Variants in GRIN3A observed in about 807,000 individuals in gnomAD.
GRIN3A encodes the protein glutamate receptor ionotropic, NMDA 3A.
GRIN3A carries 47 observed loss-of-function variants against 92.4 expected under a neutral mutation model. The ratio of observed to expected loss-of-function variants is 0.51; its 90% CI spans 0.40 to 0.65. The LOEUF (loss-of-function observed/expected upper bound fraction) is 0.65, where lower values mean the gene tolerates loss of function less well. GRIN3A is among the 30% of genes least tolerant of loss of function. GRIN3A has a pLI of 0.00. For synonymous variants in GRIN3A, 527 were observed against 540.6 expected, an observed-to-expected ratio of 0.97 and a Z score of 0.35; for missense variants, 1,324 against 1,393.1, an observed-to-expected ratio of 0.95 and a Z score of 0.79.
intron 2 of GRIN3A, among the ~76,000 whole-genome samples, chr9:101,676,558 T>A (rs1306557997): frequency 6.6e-6 from 1 of 151,500 alleles, no homozygotes; most frequent in African/African-American, 2.4e-5. Context: ...CTCTATCAAT[T>A]TTTTTTTTCT....
chr9:101,698,077 A>T (rs1829705318), intron 1 of GRIN3A, among the ~76,000 whole-genome samples: 1 of 152,222 alleles, frequency 6.6e-6, no homozygotes, highest in African/African-American at 2.4e-5. Flanking sequence ...CACTGTGACA[A>T]ACATACAATC....
At chr9:101,627,676 T>C (rs1234380213) in intron 4 of GRIN3A, among the ~76,000 whole-genome samples, 5 of 152,232 alleles carry the variant, frequency 3.3e-5, no homozygotes, top group African/African-American at 9.6e-5. Flanking sequence ...TTCAACTTCA[T>C]TGAATTACAG....
intron 1 of GRIN3A, among the ~76,000 whole-genome samples, chr9:101,736,093 T>C (rs1001135741): frequency 2.0e-5 from 3 of 152,218 alleles, no homozygotes; most frequent in African/African-American, 4.8e-5. Context: ...GGCACATATA[T>C]CAGAAGTGGA....
intron 6 of GRIN3A, chr9:101,592,619 A>G (rs1272337360): frequency 2.0e-5 from 3 of 152,184 alleles, no homozygotes; most frequent in African/African-American, 7.2e-5. Flanking sequence ...CGTTTATCAC[A>G]GTTTTTAGGG....
intron 8 of GRIN3A, among the ~76,000 whole-genome samples, chr9:101,575,515 GAAATCACATGTTGAAT>G (rs1827814380): frequency 6.6e-6 from 1 of 152,076 alleles, no homozygotes; most frequent in African/African-American, 2.4e-5. Flanking sequence ...AACCTTATGT[GAAATCACATGTTGAAT>G]AAACCCAGGG....
In GRIN3A at chr9:101,570,786, C is replaced by G. The variant is rs59775931; in HGVS notation, c.*2388G>C. On this transcript the variant is annotated 3_prime_UTR_variant, in exon 9 of 9. Transcript: ENST00000361820. ...TCCGATATACAAAAATGCAGACTTA[C>G]AAAACAGATACATTAAGGGATAATT... 1 of 152,576 alleles carries G rather than the reference C, an allele frequency of 6.6e-6. No homozygotes were observed. Among genetic ancestry groups the G allele is most frequent in the Non-Finnish European group, 1.5e-5 (1 of 68,032 alleles). The allele number at this position is 152,576 out of a possible 1,614,324, so 9.5% of individuals were successfully genotyped here. A position where few individuals can be genotyped will look rare whatever the true frequency, so the allele number is the denominator to read the frequency against.
intron 1 of GRIN3A, among the ~76,000 whole-genome samples, chr9:101,691,905 C>G (rs568620882): frequency 6.6e-6 from 1 of 152,264 alleles, no homozygotes; most frequent in South Asian, 2.1e-4. Context: ...CTGAGTCATA[C>G]CTCCCTCATC....
chr9:101,678,719 C>T (rs1276679838), intron 2 of GRIN3A, among the ~76,000 whole-genome samples: 1 of 152,072 alleles, frequency 6.6e-6, no homozygotes, highest in Non-Finnish European at 1.5e-5. Context: ...TAATTTAATA[C>T]ATGTCTTGTG....
chr9:101,624,683 A>C (rs1828607444), intron 4 of GRIN3A, among the ~76,000 whole-genome samples: 1 of 152,164 alleles, frequency 6.6e-6, no homozygotes, highest in Non-Finnish European at 1.5e-5. Context: ...CACAATAAAC[A>C]TACATGTGCA....
chr9:101,632,526 T>C (rs2118885984), intron 3 of GRIN3A, among the ~76,000 whole-genome samples: 1 of 152,328 alleles, frequency 6.6e-6, no homozygotes, highest in South Asian at 2.1e-4. Flanking sequence ...AATGAAATTC[T>C]CTTAGGTTAG....
At chr9:101,723,071 G>A (rs560985833) in intron 1 of GRIN3A, among the ~76,000 whole-genome samples, 5 of 152,184 alleles carry the variant, frequency 3.3e-5, no homozygotes, top group African/African-American at 4.8e-5. Flanking sequence ...GCACGCAGGG[G>A]GAGGTAATTG....
chr9:101,621,616 T>C (rs1350083500), intron 5 of GRIN3A, among the ~76,000 whole-genome samples: 1 of 152,178 alleles, frequency 6.6e-6, no homozygotes, highest in African/African-American at 2.4e-5. Flanking sequence ...TCTAGAGATG[T>C]TGGGAACTGC....
In GRIN3A at chr9:101,737,643, G is replaced by C. The variant is rs372044864; in HGVS notation, c.337C>G (p.Pro113Ala). The C allele has an allele frequency of 3.1e-6, 5 of 1,608,788 alleles. No homozygotes were observed. The highest frequency in any genetic ancestry group is 2.2e-5 in the East Asian group (1 of 44,744). The change falls in exon 1 of 9, where the codon CCC becomes GCC. Residue 113 changes from proline to alanine, a missense_variant. Transcript: ENST00000361820. ...HGRGPPGSRK[P>A]GEGARAEALW... ...GCCTCCGCCCTGGCGCCCTCCCCGGGCTTACGGGAGCCCGGCGGCCCCCGG... is the reference window on the plus strand; with the variant it reads ...GCCTCCGCCCTGGCGCCCTCCCCGGCCTTACGGGAGCCCGGCGGCCCCCGG...
At chr9:101,710,039 C>A (rs1378540783) in intron 1 of GRIN3A, among the ~76,000 whole-genome samples, 2 of 152,056 alleles carry the variant, frequency 1.3e-5, no homozygotes, top group African/African-American at 4.8e-5. Context: ...CCTGGAAATC[C>A]TGTTTTAGAG....
At chr9:101,686,230 A>G (rs1829531374) in intron 2 of GRIN3A, among the ~76,000 whole-genome samples, 1 of 152,220 alleles carries the variant, frequency 6.6e-6, no homozygotes, top group Non-Finnish European at 1.5e-5. Context: ...CTTTTCATAT[A>G]TAAATTTCAT....
chr9:101,729,578 C>T (rs1409148452), intron 1 of GRIN3A, among the ~76,000 whole-genome samples: 3 of 152,136 alleles, frequency 2.0e-5, no homozygotes, highest in Non-Finnish European at 4.4e-5. Context: ...ACATTGAGTA[C>T]ACCTGGATAA....
Position 101,670,094 on chromosome 9 carries a change from ATCT to A in GRIN3A, c.2315_2317del (p.Lys772del), listed in dbSNP as rs747694616. 1.2e-6 allele frequency: 2 copies of A among 1,613,824 alleles called. No individual in the cohort carries two copies. Among genetic ancestry groups the A allele is most frequent in the East Asian group, 4.5e-5 (2 of 44,848 alleles). On this transcript the variant is annotated inframe_deletion, in exon 3 of 9. Coordinates refer to ENST00000361820, the MANE Select transcript of GRIN3A (RefSeq NM_133445.3). The stretch of plus-strand genomic sequence containing the variant: ...ATGTATTCCAGAAAGCTCTTCATAG[ATCT>A]TCTCACCTACCATGACAGCAGCCAA...
At chr9:101,706,229 G>A (rs910473488) in intron 1 of GRIN3A, among the ~76,000 whole-genome samples, 2 of 152,198 alleles carry the variant, frequency 1.3e-5, no homozygotes, top group East Asian at 1.9e-4. Flanking sequence ...TACAGATAGA[G>A]GTGCCTCATT....
At chr9:101,714,108 G>A (rs902984287) in intron 1 of GRIN3A, among the ~76,000 whole-genome samples, 1 of 151,998 alleles carries the variant, frequency 6.6e-6, no homozygotes, top group South Asian at 2.1e-4. Context: ...GAAACTAAAC[G>A]CTGTAGAACA....
Sources: gnomAD v4.1 joint callset for allele counts (sites outside exome capture counted in the v4.1 genomes callset) on GRCh38, gnomAD v4.1.1 for gene constraint, MANE v1.5 for transcripts, NCBI Gene and HGNC (gene_info 2026-07-23, HGNC 2026-07-21) for gene names.